C14orf39: variants seen among roughly 807,000 people sequenced by gnomAD.
C14orf39 encodes the protein chromosome 14 open reading frame 39, also known as protein SIX6OS1.
Under a neutral mutation model 85.6 loss-of-function variants are expected in C14orf39, and 66 were observed. The ratio of observed to expected loss-of-function variants is 0.77; its 90% CI spans 0.63 to 0.95. The LOEUF is 0.95. Ranked by LOEUF, C14orf39 falls within the 40% of genes least tolerant of loss-of-function variation. The pLI is 0.00. For synonymous variants in C14orf39, 242 were observed against 214.0 expected (o/e 1.13, Z -1.14); for missense variants, 735 against 663.9 (o/e 1.11, Z -1.18).
At chr14:60,449,103 T>C (rs1338193636) in intron 16 of C14orf39, among the ~76,000 whole-genome samples, 1 of 152,118 alleles carries the variant, frequency 6.6e-6, no homozygotes, top group African/African-American at 2.4e-5. Flanking sequence ...AGTTGATTGG[T>C]GCAGCAAACC....
intron 16 of C14orf39, among the ~76,000 whole-genome samples, chr14:60,444,481 A>G (rs1396960036): frequency 2.0e-5 from 3 of 152,188 alleles, no homozygotes; most frequent in African/African-American, 7.2e-5. Flanking sequence ...GAAATAAAGC[A>G]AGAAGACAAG....
chr14:60,458,914 T>C (rs1891398780), intron 13 of C14orf39, among the ~76,000 whole-genome samples, 175 bp from the exon 14 acceptor site: 2 of 151,662 alleles, frequency 1.3e-5, no homozygotes, highest in South Asian at 4.2e-4. Flanking sequence ...TATGAACAGT[T>C]TAACAAACAA....
chr14:60,500,763 G>A (rs376685213), intron 1 of C14orf39, among the ~76,000 whole-genome samples: 14 of 152,224 alleles, frequency 9.2e-5, no homozygotes, highest in Admixed American at 5.2e-4. Context: ...ACTAATAGTA[G>A]TTATCTCTAA....
intron 1 of C14orf39, chr14:60,511,902 G>A (rs938909366): frequency 8.3e-5 from 13 of 156,964 alleles, no homozygotes; most frequent in African/African-American, 3.1e-4. Flanking sequence ...GTCTCCGGAA[G>A]GTCTTACCTA....
At chr14:60,495,374 T>G (rs765305290) in intron 2 of C14orf39, 41 of 195,660 alleles carry the variant, frequency 2.1e-4, no homozygotes, top group Non-Finnish European at 1.6e-4. Flanking sequence ...AGTCTACCCT[T>G]ACATTCTGAA....
At chr14:60,488,802 T>C (rs1389570282), upstream of C14orf39, among the ~76,000 whole-genome samples, 1 of 152,140 alleles carries the variant, frequency 6.6e-6, no homozygotes, top group Non-Finnish European at 1.5e-5. Context: ...TTCCAAATCT[T>C]ATGGTCTTTT....
At chr14:60,496,181 G>T in intron 2 of C14orf39, 1 of 442,752 alleles carries the variant, frequency 2.3e-6, no homozygotes, top group South Asian at 1.6e-5. Flanking sequence ...CCCCTGATGT[G>T]AGTACAGGAG....
intron 1 of C14orf39, chr14:60,509,944 G>A: frequency 1.2e-6 from 2 of 1,608,390 alleles, no homozygotes; most frequent in Non-Finnish European, 1.7e-6. Flanking sequence ...GCCGACAAAG[G>A]GACCGAGCGG....
chr14:60,465,415 G>A (rs548923418), intron 11 of C14orf39, among the ~76,000 whole-genome samples: 1 of 152,122 alleles, frequency 6.6e-6, no homozygotes, highest in Non-Finnish European at 1.5e-5. Context: ...ACCACCCAGG[G>A]GACCTGCCTA....
rs778002487 is a variant in C14orf39 at position 60,437,028 on chromosome 14, T to C, written c.1581A>G (p.Pro527=). Residue 527 remains proline (P), a synonymous_variant, in exon 18 of 18, where the codon CCA becomes CCG. Transcript: ENST00000321731. ...AAAATGTAAAGCCATCTTCTCCTTCTGGCTTCTCAAGTAAGTTTCCTAAGG... is the reference window on the plus strand; with the variant it reads ...AAAATGTAAAGCCATCTTCTCCTTCCGGCTTCTCAAGTAAGTTTCCTAAGG... ...EQEIGNLLEK[P]EGEDGFTFSF... is the part of the protein sequence containing the mutation. 1 of 1,606,272 alleles carries C rather than the reference T, an allele frequency of 6.2e-7. No homozygotes were observed. Among genetic ancestry groups the C allele is most frequent in the South Asian group, 1.1e-5 (1 of 89,094 alleles).
intron 14 of C14orf39, among the ~76,000 whole-genome samples, chr14:60,457,927 A>C (rs1891351168): frequency 6.6e-6 from 1 of 152,006 alleles, no homozygotes; most frequent in South Asian, 2.1e-4. Flanking sequence ...ATTTAGTTAT[A>C]GTCAATATAT....
intron 5 of C14orf39, among the ~76,000 whole-genome samples, chr14:60,472,326 T>C (rs1368007875): frequency 6.6e-6 from 1 of 152,074 alleles, no homozygotes; most frequent in East Asian, 1.9e-4. Context: ...CCAGCTCCAA[T>C]AGTAGTGGAT....
chr14:60,467,863 A>G (rs1891873113), intron 9 of C14orf39, among the ~76,000 whole-genome samples: 1 of 151,784 alleles, frequency 6.6e-6, no homozygotes. Context: ...GTAGGGGGAA[A>G]AAGTAAAAGC....
At chr14:60,440,179 T>C (rs1182727707) in intron 17 of C14orf39, among the ~76,000 whole-genome samples, 1 of 152,226 alleles carries the variant, frequency 6.6e-6, no homozygotes, top group Non-Finnish European at 1.5e-5. Flanking sequence ...ATACCATTTA[T>C]AAAAATTCCA....
intron 13 of C14orf39, among the ~76,000 whole-genome samples, chr14:60,460,894 A>T (rs1891491316): frequency 6.6e-6 from 1 of 151,924 alleles, no homozygotes; most frequent in South Asian, 2.1e-4. Context: ...ACTGAAAAAA[A>T]ACCAAAATAT....
upstream of C14orf39, among the ~76,000 whole-genome samples, chr14:60,489,722 T>C (rs1048521357): frequency 4.6e-5 from 7 of 152,208 alleles, no homozygotes; most frequent in Admixed American, 2.0e-4. Context: ...TTCCATTTAA[T>C]TGGATCCCTC....
At chr14:60,483,461 A>G (rs1186945998) in intron 4 of C14orf39, among the ~76,000 whole-genome samples, 1 of 152,222 alleles carries the variant, frequency 6.6e-6, no homozygotes, top group Non-Finnish European at 1.5e-5. Context: ...CTTATTCAAA[A>G]GTTTATAGTT....
chr14:60,459,392 A>G (rs1380969555), intron 13 of C14orf39, among the ~76,000 whole-genome samples: 1 of 151,618 alleles, frequency 6.6e-6, no homozygotes, highest in African/African-American at 2.4e-5. Context: ...CTAGGTATAT[A>G]CCTAGGATCG....
chr14:60,441,930 A>T (rs1595438774), intron 17 of C14orf39, 144 bp downstream of exon 17: 2 of 557,042 alleles, frequency 3.6e-6, no homozygotes, highest in East Asian at 5.6e-5. Context: ...TGAAAAAGAA[A>T]GAAAAGAATA....
Sources: allele counts gnomAD v4.1 joint callset (sites outside exome capture counted in the v4.1 genomes callset), GRCh38; gene constraint gnomAD v4.1.1; transcripts MANE v1.5; gene names NCBI Gene and HGNC (gene_info 2026-07-23, HGNC 2026-07-21).